The following GRIA4 variants were observed in gnomAD, a reference collection of about 807,000 sequenced individuals.
GRIA4 encodes glutamate receptor 4.
In GRIA4, 34 loss-of-function variants were observed where a neutral mutation model predicts 104.0. The observed-to-expected ratio is 0.33, with a 90% CI of 0.25 to 0.44. The LOEUF (loss-of-function observed/expected upper bound fraction) is 0.44. Ranked by LOEUF, GRIA4 falls within the 20% of genes least tolerant of loss-of-function variation. The probability of loss-of-function intolerance (pLI) is 1.00; values close to 1 mark genes in which losing one functional copy is unlikely to be tolerated. For synonymous variants in GRIA4, 386 were observed against 381.9 expected (o/e 1.01, Z -0.13); for missense variants, 750 against 1,096.5 (o/e 0.68, Z 4.46).
intron 4 of GRIA4, among the ~76,000 whole-genome samples, chr11:105,769,728 G>T (rs1941124723): frequency 6.6e-6 from 1 of 151,982 alleles, no homozygotes; most frequent in South Asian, 2.1e-4. Flanking sequence ...GGAAGAGTCT[G>T]CAGGCAAGAA....
intron 3 of GRIA4, among the ~76,000 whole-genome samples, chr11:105,722,154 T>C (rs1937865681): frequency 6.6e-6 from 1 of 152,190 alleles, no homozygotes; most frequent in Non-Finnish European, 1.5e-5. Flanking sequence ...TCTACTGCTA[T>C]ATTATTGAGG....
rs766656737 is a variant in GRIA4 at position 105,905,287 on chromosome 11, A to C, written c.1144A>C (p.Thr382Pro). 2.5e-6 allele frequency: 4 copies of C among 1,577,614 alleles called. No homozygotes were observed. Among genetic ancestry groups the C allele is most frequent in the East Asian group, 4.5e-5 (2 of 44,708 alleles). Reference protein sequence around the residue: ...YTMDVFELKSTGPRKVGYWND... With the variant: ...YTMDVFELKSPGPRKVGYWND... ...AATGGATGTGTTTGAGCTGAAAAGCACAGGACCTAGAAAGGTGAGCCACGA... is the reference window on the plus strand; with the variant it reads ...AATGGATGTGTTTGAGCTGAAAAGCCCAGGACCTAGAAAGGTGAGCCACGA... Residue 382 changes from threonine to proline, a missense_variant, in exon 9 of 17, where the codon ACA becomes CCA. Coordinates refer to ENST00000282499, the MANE Select transcript of GRIA4 (RefSeq NM_000829.4).
chr11:105,792,078 A>G (rs1384536478), intron 4 of GRIA4, among the ~76,000 whole-genome samples: 1 of 152,174 alleles, frequency 6.6e-6, no homozygotes, highest in Non-Finnish European at 1.5e-5. Context: ...AGATATTAGA[A>G]AAAAATTTCA....
chr11:105,881,219 G>A (rs1295204736), intron 5 of GRIA4, among the ~76,000 whole-genome samples: 1 of 152,152 alleles, frequency 6.6e-6, no homozygotes, highest in African/African-American at 2.4e-5. Flanking sequence ...GAGTACTTAT[G>A]TACCAACTCC....
At chr11:105,784,414 A>G (rs1203124846) in intron 4 of GRIA4, among the ~76,000 whole-genome samples, 1 of 152,196 alleles carries the variant, frequency 6.6e-6, no homozygotes, top group African/African-American at 2.4e-5. Flanking sequence ...CACTTTTGTT[A>G]ATAAAATATT....
At chr11:105,720,176 T>A (rs1483358698) in intron 3 of GRIA4, among the ~76,000 whole-genome samples, 1 of 151,868 alleles carries the variant, frequency 6.6e-6, no homozygotes, top group Non-Finnish European at 1.5e-5. Flanking sequence ...ATTTTTAAAT[T>A]GTGAATTTCC....
At chr11:105,827,801 C>T (rs1412273256) in intron 4 of GRIA4, among the ~76,000 whole-genome samples, 1 of 151,980 alleles carries the variant, frequency 6.6e-6, no homozygotes, top group Non-Finnish European at 1.5e-5. Context: ...TTTTATTATA[C>T]TATATAAATA....
chr11:105,854,637 C>T (rs1234905777), intron 4 of GRIA4, among the ~76,000 whole-genome samples: 3 of 152,142 alleles, frequency 2.0e-5, no homozygotes, highest in East Asian at 1.9e-4. Flanking sequence ...GAGGCAGTGT[C>T]GGTAGGAAGA....
intron 3 of GRIA4, among the ~76,000 whole-genome samples, chr11:105,713,551 A>G (rs667713): frequency 0.028 from 4,257 of 152,224 alleles, 157 homozygotes; most frequent in African/African-American, 0.083. Flanking sequence ...AATTTAGAGA[A>G]ACACTATCAT....
chr11:105,871,207 C>T (rs1407003914), intron 5 of GRIA4, among the ~76,000 whole-genome samples: 1 of 152,014 alleles, frequency 6.6e-6, no homozygotes, highest in East Asian at 1.9e-4. Flanking sequence ...TATTAAATGT[C>T]TAATTTGCCA....
At chr11:105,973,332 C>T (rs1177478590) in intron 15 of GRIA4, among the ~76,000 whole-genome samples, 1 of 152,008 alleles carries the variant, frequency 6.6e-6, no homozygotes, top group African/African-American at 2.4e-5. Context: ...ATACTTCTTG[C>T]AATAACATTA....
At chr11:105,949,093 G>A (rs962205492) in intron 14 of GRIA4, among the ~76,000 whole-genome samples, 2 of 152,054 alleles carry the variant, frequency 1.3e-5, no homozygotes, top group South Asian at 4.1e-4. Flanking sequence ...AGGGCAACTG[G>A]TTTATTTTAG....
intron 7 of GRIA4, among the ~76,000 whole-genome samples, chr11:105,902,815 A>G (rs1946907283): frequency 6.6e-6 from 1 of 152,166 alleles, no homozygotes; most frequent in Non-Finnish European, 1.5e-5. Context: ...AGTTTTTGCC[A>G]TGATTAGTAG....
intron 3 of GRIA4, among the ~76,000 whole-genome samples, chr11:105,715,272 G>A (rs1417831682): frequency 6.6e-6 from 1 of 152,124 alleles, no homozygotes; most frequent in African/African-American, 2.4e-5. Flanking sequence ...GCACGTTGTT[G>A]AGGACATTTT....
intron 3 of GRIA4, among the ~76,000 whole-genome samples, chr11:105,688,565 AAAAT>A (rs891225703): frequency 6.6e-6 from 1 of 152,194 alleles, no homozygotes; most frequent in African/African-American, 2.4e-5. Context: ...TCCGTCTCAA[AAAAT>A]AAATAAATAA....
chr11:105,788,218 T>C (rs542899049), intron 4 of GRIA4, among the ~76,000 whole-genome samples: 9 of 152,256 alleles, frequency 5.9e-5, no homozygotes, highest in Admixed American at 5.2e-4. Context: ...AACTAAGACA[T>C]TTTATTATTA....
intron 3 of GRIA4, among the ~76,000 whole-genome samples, chr11:105,725,524 G>T (rs143743939): frequency 6.6e-6 from 1 of 152,046 alleles, no homozygotes; most frequent in Admixed American, 6.6e-5. Context: ...ATCATGTGTC[G>T]AAACCACATG....
At chr11:105,654,354 T>A (rs761853899) in intron 3 of GRIA4, among the ~76,000 whole-genome samples, 16 of 149,186 alleles carry the variant, frequency 1.1e-4, no homozygotes, top group Non-Finnish European at 1.8e-4. Flanking sequence ...GTGCCCCCAC[T>A]GAAAAAAAAA....
chr11:105,709,112 G>A (rs781644568), intron 3 of GRIA4, among the ~76,000 whole-genome samples: 1 of 152,036 alleles, frequency 6.6e-6, no homozygotes, highest in Non-Finnish European at 1.5e-5. Context: ...AGAAAATAAG[G>A]AAATGCTTAT....
Sources: allele counts gnomAD v4.1 joint callset (sites outside exome capture counted in the v4.1 genomes callset), GRCh38; gene constraint gnomAD v4.1.1; transcripts MANE v1.5; gene names NCBI Gene and HGNC (gene_info 2026-07-23, HGNC 2026-07-21).